The following GRAMD1B variants were observed in gnomAD, a reference collection of about 807,000 sequenced individuals.
GRAMD1B encodes GRAM domain containing 1B.
A neutral mutation model predicts 99.7 loss-of-function variants in GRAMD1B; 37 were observed. The observed-to-expected ratio is 0.37, with a 90% confidence interval of 0.29 to 0.49. The LOEUF is 0.49. Among genes scored for constraint, GRAMD1B ranks in the 20% least tolerant of loss-of-function variants. GRAMD1B has a pLI of 0.98. For missense variants in GRAMD1B, 888 were observed against 1,009.2 expected (o/e 0.88, Z 1.63); for synonymous variants, 427 against 387.6 (o/e 1.10, Z -1.19).
At chr11:123,370,618 G>GT (rs939526597) in intron 1 of GRAMD1B, among the ~76,000 whole-genome samples, 2 of 152,084 alleles carry the variant, frequency 1.3e-5, no homozygotes, top group African/African-American at 2.4e-5. Context: ...GGGATTACAG[G>GT]TGTGAGCCAC....
At chr11:123,615,738 A>G (rs1954284506) in intron 17 of GRAMD1B, among the ~76,000 whole-genome samples, 1 of 152,266 alleles carries the variant, frequency 6.6e-6, no homozygotes, top group African/African-American at 2.4e-5. Flanking sequence ...AAGAGGTGAC[A>G]GATTTCTGCT....
chr11:123,579,635 G>A (rs562202014), intron 3 of GRAMD1B, among the ~76,000 whole-genome samples: 1 of 152,136 alleles, frequency 6.6e-6, no homozygotes, highest in East Asian at 1.9e-4. Context: ...TGTGGGACTA[G>A]TGGGTGCTCG....
chr11:123,374,724 C>G (rs573017583), intron 1 of GRAMD1B, among the ~76,000 whole-genome samples: 10 of 152,318 alleles, frequency 6.6e-5, no homozygotes, highest in Non-Finnish European at 1.5e-4. Flanking sequence ...AGCTTTCACT[C>G]TGGGCTGAGT....
chr11:123,458,071 G>A (rs1341640124), intron 1 of GRAMD1B, among the ~76,000 whole-genome samples: 8 of 152,182 alleles, frequency 5.3e-5, no homozygotes, highest in Non-Finnish European at 7.3e-5. Flanking sequence ...CGATAAGTGC[G>A]TATGTATGCT....
At chr11:123,533,911 A>G (rs564508650) in intron 2 of GRAMD1B, among the ~76,000 whole-genome samples, 3 of 152,338 alleles carry the variant, frequency 2.0e-5, no homozygotes, top group African/African-American at 7.2e-5. Flanking sequence ...AACTACCACA[A>G]TTACAAAGCA....
At position 123,591,621 on chromosome 11, in the gene GRAMD1B, G is replaced by A; in HGVS notation, c.685-2461G>A. 1 of 397,692 alleles carries A rather than the reference G, an allele frequency of 2.5e-6. No individual in the cohort carries two copies. Among genetic ancestry groups the A allele is most frequent in the Non-Finnish European group, 4.4e-6 (1 of 225,898 alleles). 24.6% of individuals were successfully genotyped at this position (397,692 alleles called of 1,614,324 possible). On this transcript the variant is annotated intron_variant, in intron 4 of 19. Transcript: ENST00000635736. This position sits in a 1 kb window ranked among gnomAD's most constrained non-coding sequence, Gnocchi z 4.7. ...ATGCCACTTGGCTCTCCTACCCGAA[G>A]GCCCCAGATTTGACAATCTTGGAAC...
At chr11:123,466,111 G>A (rs762141912) in intron 1 of GRAMD1B, among the ~76,000 whole-genome samples, 2 of 151,846 alleles carry the variant, frequency 1.3e-5, no homozygotes, top group African/African-American at 4.8e-5. Context: ...CCCCATTTCT[G>A]CTAAAAATAC....
At chr11:123,543,177 A>C (rs1944717635) in intron 2 of GRAMD1B, among the ~76,000 whole-genome samples, 2 of 152,120 alleles carry the variant, frequency 1.3e-5, no homozygotes, top group Admixed American at 1.3e-4. Flanking sequence ...CATCTCAGAG[A>C]GCCTTCTGAG....
chr11:123,389,790 G>A (rs1446538455), intron 1 of GRAMD1B, among the ~76,000 whole-genome samples: 1 of 152,098 alleles, frequency 6.6e-6, no homozygotes, highest in African/African-American at 2.4e-5. Flanking sequence ...CTGTTATCCA[G>A]GCTGGAGTGC....
Position 123,494,293 on chromosome 11 carries a change from T to A in GRAMD1B, c.452+13400T>A, listed in dbSNP as rs187793546. ...GACCTTTACACATCTATTAACCTTT[T>A]TAAACTTTTCATGCTCATGGAAATG... On this transcript the variant is annotated intron_variant, in intron 2 of 19. Transcript: ENST00000635736. Among the ~76,000 whole-genome samples, 7 of 152,364 alleles carry A rather than the reference T, an allele frequency of 4.6e-5. No homozygotes were observed. In the East Asian group the frequency reaches 1.4e-3, roughly 29 times the overall value.
intron 3 of GRAMD1B, among the ~76,000 whole-genome samples, chr11:123,578,979 C>T (rs1436515752): frequency 2.0e-5 from 3 of 152,224 alleles, no homozygotes; most frequent in African/African-American, 7.2e-5. Flanking sequence ...GAGAGCTGCT[C>T]AACCTGGGCA....
intron 15 of GRAMD1B, 124 bp from the exon 16 acceptor site, chr11:123,613,331 A>G (rs73029863): frequency 0.015 from 10,305 of 683,880 alleles, 133 homozygotes; most frequent in Middle Eastern, 0.018. Context: ...GCTCATGGGC[A>G]TCCCTGAGGA....
intron 2 of GRAMD1B, among the ~76,000 whole-genome samples, chr11:123,515,560 G>A (rs376826895): frequency 6.6e-6 from 1 of 152,070 alleles, no homozygotes; most frequent in Non-Finnish European, 1.5e-5. Context: ...GTCTTAGAAC[G>A]GAGAGCCTTC....
Position 123,623,989 on chromosome 11 carries a change from C to T in GRAMD1B, c.*1394C>T, listed in dbSNP as rs1277889253. 6.6e-6 allele frequency: 1 copy of T among 152,268 alleles called. No individual in the cohort carries two copies. The highest frequency in any genetic ancestry group is 1.5e-5 in the Non-Finnish European group (1 of 68,066). 9.4% of individuals were successfully genotyped at this position (152,268 alleles called of 1,614,324 possible). A position where few individuals can be genotyped will look rare whatever the true frequency, so the allele number is the denominator to read the frequency against. Reference sequence around the variant, plus strand: ...TCAGGGCCTTTTCAGCATTGGCCCACTAGCACCATGCATTTATCTGAATTC... The same window carrying T: ...TCAGGGCCTTTTCAGCATTGGCCCATTAGCACCATGCATTTATCTGAATTC... On this transcript the variant is annotated 3_prime_UTR_variant, in exon 20 of 20. Coordinates refer to ENST00000635736, the MANE Select transcript of GRAMD1B (RefSeq NM_001387025.1).
At chr11:123,545,153 G>A (rs1310861402) in intron 2 of GRAMD1B, among the ~76,000 whole-genome samples, 1 of 152,218 alleles carries the variant, frequency 6.6e-6, no homozygotes, top group Non-Finnish European at 1.5e-5. Flanking sequence ...CCCGGTGCGA[G>A]AAAGAATGGT....
chr11:123,505,719 G>A (rs1056778051), intron 2 of GRAMD1B, among the ~76,000 whole-genome samples: 7 of 152,216 alleles, frequency 4.6e-5, no homozygotes, highest in Non-Finnish European at 8.8e-5. Context: ...TCTTCCTCAC[G>A]CTCAGCTGCC....
intron 3 of GRAMD1B, among the ~76,000 whole-genome samples, chr11:123,579,541 G>A (rs1426907982): frequency 6.6e-6 from 1 of 152,182 alleles, no homozygotes; most frequent in Non-Finnish European, 1.5e-5. Flanking sequence ...GGCAGGTGCA[G>A]GCATATCTGA....
chr11:123,574,066 T>C (rs1433982737), intron 2 of GRAMD1B, among the ~76,000 whole-genome samples: 3 of 130,896 alleles, frequency 2.3e-5, no homozygotes, highest in Admixed American at 1.6e-4. Context: ...TCTTGAAGAA[T>C]GAACAGAATT....
At chr11:123,408,361 T>C (rs971056067) in intron 1 of GRAMD1B, among the ~76,000 whole-genome samples, 1 of 152,238 alleles carries the variant, frequency 6.6e-6, no homozygotes, top group Non-Finnish European at 1.5e-5. Flanking sequence ...AGCTATTTGT[T>C]TGCATGGCTG....
Sources: allele counts gnomAD v4.1 joint callset (sites outside exome capture counted in the v4.1 genomes callset), GRCh38; gene constraint gnomAD v4.1.1; non-coding constraint Gnocchi (gnomAD v3.1); transcripts MANE v1.5; gene names NCBI Gene and HGNC (gene_info 2026-07-23, HGNC 2026-07-21).